The following CA10 variants were observed in gnomAD, a reference collection of about 807,000 sequenced individuals.
The protein encoded by CA10 is carbonic anhydrase 10 (inactive), also known as carbonic anhydrase-related protein 10.
A neutral mutation model predicts 44.2 loss-of-function variants in CA10; 14 were observed. The ratio of observed to expected loss-of-function variants is 0.32; its 90% CI spans 0.21 to 0.50. The LOEUF is 0.50. Ranked by LOEUF, CA10 falls within the 20% of genes least tolerant of loss-of-function variation. The pLI, the probability that CA10 is intolerant of heterozygous loss-of-function variation, is 0.99. For missense variants in CA10, 350 were observed against 409.7 expected, an observed-to-expected ratio of 0.85 and a Z score of 1.26; for synonymous variants, 159 against 141.6, an observed-to-expected ratio of 1.12 and a Z score of -0.87.
At chr17:51,674,389 A>T (rs974183321) in intron 4 of CA10, among the ~76,000 whole-genome samples, 3 of 152,160 alleles carry the variant, frequency 2.0e-5, no homozygotes, top group Non-Finnish European at 4.4e-5. Context: ...CAAGCACTTT[A>T]TCCTTCTTCT....
intron 6 of CA10, among the ~76,000 whole-genome samples, chr17:51,642,643 T>C (rs147911945): frequency 1.3e-5 from 2 of 152,290 alleles, no homozygotes; most frequent in African/African-American, 4.8e-5. Context: ...TATCTTTTTT[T>C]TTCCTTATTT....
intron 3 of CA10, among the ~76,000 whole-genome samples, chr17:51,905,551 T>TTTTTTC (rs1194043088): frequency 7.3e-6 from 1 of 136,438 alleles, no homozygotes; most frequent in African/African-American, 3.2e-5. Context: ...TTTTTTTTTT[T>TTTTTTC]ACAACTCTAC....
chr17:52,014,039 G>T (rs554602697), intron 2 of CA10, among the ~76,000 whole-genome samples: 1 of 151,906 alleles, frequency 6.6e-6, no homozygotes, highest in Non-Finnish European at 1.5e-5. Flanking sequence ...ATAGAAAGTG[G>T]TGGAAGTATG....
chr17:51,915,334 T>C (rs187010468), intron 3 of CA10, among the ~76,000 whole-genome samples: 1 of 152,310 alleles, frequency 6.6e-6, no homozygotes, highest in African/African-American at 2.4e-5. Flanking sequence ...TTTAGAAGTC[T>C]CTGTTATTAA....
At chr17:52,042,461 G>T (rs1291673985) in intron 2 of CA10, among the ~76,000 whole-genome samples, 1 of 151,746 alleles carries the variant, frequency 6.6e-6, no homozygotes, top group Non-Finnish European at 1.5e-5. Flanking sequence ...TGGGTTGGTT[G>T]CTATTGAATT....
At chr17:51,897,415 T>C (rs1981118721) in intron 3 of CA10, among the ~76,000 whole-genome samples, 1 of 152,124 alleles carries the variant, frequency 6.6e-6, no homozygotes, top group African/African-American at 2.4e-5. Flanking sequence ...TTCTGTTCCA[T>C]TGTTCTGTGT....
intron 1 of CA10, among the ~76,000 whole-genome samples, chr17:52,141,793 G>C (rs943369902): frequency 6.6e-6 from 1 of 152,226 alleles, no homozygotes; most frequent in Non-Finnish European, 1.5e-5. Flanking sequence ...AATCAGCAGA[G>C]ACTACTGGTG....
chr17:51,887,711 C>G (rs1980671622), intron 3 of CA10, among the ~76,000 whole-genome samples: 1 of 152,022 alleles, frequency 6.6e-6, no homozygotes, highest in South Asian at 2.1e-4. Context: ...ACTTGTAACC[C>G]CAGCACTTTG....
At chr17:51,985,162 C>T (rs528802967) in intron 2 of CA10, among the ~76,000 whole-genome samples, 1 of 151,952 alleles carries the variant, frequency 6.6e-6, no homozygotes, top group Admixed American at 6.6e-5. Flanking sequence ...AAAAAATAAT[C>T]CACCATGATC....
chr17:51,938,814 ATCC>A (rs1982965073), intron 2 of CA10, among the ~76,000 whole-genome samples: 1 of 152,066 alleles, frequency 6.6e-6, no homozygotes, highest in Non-Finnish European at 1.5e-5. Context: ...ATCTTGCTCA[ATCC>A]TCCTCATTAT....
intron 2 of CA10, among the ~76,000 whole-genome samples, chr17:52,045,816 T>C (rs1281816658): frequency 6.6e-6 from 1 of 151,996 alleles, no homozygotes; most frequent in Non-Finnish European, 1.5e-5. Context: ...TCATTTCAAG[T>C]GCACGTGGCA....
At chr17:52,054,719 T>A (rs1333027478) in intron 2 of CA10, among the ~76,000 whole-genome samples, 1 of 151,848 alleles carries the variant, frequency 6.6e-6, no homozygotes, top group Admixed American at 6.6e-5. Flanking sequence ...TGGCCAACAC[T>A]TAGGGAAAAT....
At chr17:52,148,458 G>T (rs1297612986) in intron 1 of CA10, among the ~76,000 whole-genome samples, 6 of 152,192 alleles carry the variant, frequency 3.9e-5, no homozygotes, top group African/African-American at 9.7e-5. Context: ...AGGATGATTT[G>T]TCAAATGGAA....
chr17:51,837,650 G>A (rs1011991354), intron 3 of CA10, among the ~76,000 whole-genome samples: 1 of 152,192 alleles, frequency 6.6e-6, no homozygotes, highest in African/African-American at 2.4e-5. Context: ...CTTCATCAGA[G>A]AGTGCCTTTT....
intron 3 of CA10, among the ~76,000 whole-genome samples, chr17:51,929,450 C>T (rs140350284): frequency 3.9e-5 from 6 of 152,258 alleles, no homozygotes; most frequent in African/African-American, 1.2e-4. Flanking sequence ...TACCATCTTG[C>T]AAGCCTCTCT....
chr17:52,000,170 A>G (rs1985374170), intron 2 of CA10, among the ~76,000 whole-genome samples: 1 of 152,114 alleles, frequency 6.6e-6, no homozygotes, highest in African/African-American at 2.4e-5. Flanking sequence ...ATTGGGAATT[A>G]TATCTTGGAC....
At chr17:52,024,462 C>T (rs1052126684) in intron 2 of CA10, among the ~76,000 whole-genome samples, 5 of 150,652 alleles carry the variant, frequency 3.3e-5, no homozygotes, top group Admixed American at 1.3e-4. Context: ...ACTATAAACC[C>T]GTGCATGCTT....
chr17:51,733,330 C>T (rs190150655), intron 4 of CA10, among the ~76,000 whole-genome samples: 24 of 152,268 alleles, frequency 1.6e-4, no homozygotes, highest in African/African-American at 5.3e-4. Context: ...TTGAAAGCCA[C>T]GCTTCGCCTC....
chr17:51,843,535 C>T (rs1056085606), intron 3 of CA10, among the ~76,000 whole-genome samples: 1 of 152,064 alleles, frequency 6.6e-6, no homozygotes, highest in African/African-American at 2.4e-5. Flanking sequence ...GTGAAGTCTC[C>T]CTTGGAATCA....
Sources: gnomAD v4.1 joint callset for allele counts (sites outside exome capture counted in the v4.1 genomes callset) on GRCh38, gnomAD v4.1.1 for gene constraint, MANE v1.5 for transcripts, NCBI Gene and HGNC (gene_info 2026-07-23, HGNC 2026-07-21) for gene names.